The following LRRIQ3 variants were observed in gnomAD, a reference collection of about 807,000 sequenced individuals.
LRRIQ3 encodes the protein leucine rich repeats and IQ motif containing 3.
A neutral mutation model predicts 59.3 loss-of-function variants in LRRIQ3; 75 were observed. The ratio of observed to expected loss-of-function variants is 1.26; its 90% CI spans 1.05 to 1.53. The LOEUF (loss-of-function observed/expected upper bound fraction) is 1.53, where lower values mean the gene tolerates loss of function less well. Among genes scored for constraint, LRRIQ3 ranks in the 40% most tolerant of loss-of-function variants. The probability of loss-of-function intolerance (pLI) is 0.00; values close to 1 mark genes in which losing one functional copy is unlikely to be tolerated. For synonymous variants in LRRIQ3, 250 were observed against 231.3 expected (o/e 1.08, Z -0.73); for missense variants, 831 against 710.0 (o/e 1.17, Z -1.94).
chr1:74,032,975 G>A (rs1653763112), intron 7 of LRRIQ3, among the ~76,000 whole-genome samples: 1 of 152,014 alleles, frequency 6.6e-6, no homozygotes, highest in South Asian at 2.1e-4. Context: ...ATGGATATAG[G>A]AAGTTGAATG....
chr1:74,167,561 A>G (rs1035720326), intron 3 of LRRIQ3, among the ~76,000 whole-genome samples: 5 of 151,868 alleles, frequency 3.3e-5, no homozygotes, highest in Admixed American at 2.6e-4. Context: ...AAACTTCCAC[A>G]TATTTTTTTT....
At chr1:74,147,449 A>T (rs1163111005) in intron 4 of LRRIQ3, among the ~76,000 whole-genome samples, 1 of 152,206 alleles carries the variant, frequency 6.6e-6, no homozygotes, top group African/African-American at 2.4e-5. Flanking sequence ...AACCCAATTA[A>T]TTTGATGTTT....
chr1:74,094,707 A>G (rs937460288), intron 5 of LRRIQ3, among the ~76,000 whole-genome samples: 11 of 152,142 alleles, frequency 7.2e-5, no homozygotes, highest in Non-Finnish European at 2.9e-5. Context: ...CCAGACAGCT[A>G]AAATTTGGGG....
chr1:74,056,465 A>C (rs1411685654), intron 6 of LRRIQ3, among the ~76,000 whole-genome samples: 1 of 152,082 alleles, frequency 6.6e-6, no homozygotes, highest in Non-Finnish European at 1.5e-5. Context: ...ACATATAAAA[A>C]ACTAGGAAGA....
At chr1:74,033,060 G>T (rs1653766118) in intron 7 of LRRIQ3, among the ~76,000 whole-genome samples, 1 of 151,956 alleles carries the variant, frequency 6.6e-6, no homozygotes, top group African/African-American at 2.4e-5. Flanking sequence ...GGCCATAAGT[G>T]GTGTTTGAAT....
At chr1:74,132,319 A>G (rs1212454831) in intron 4 of LRRIQ3, among the ~76,000 whole-genome samples, 2 of 152,158 alleles carry the variant, frequency 1.3e-5, no homozygotes, top group African/African-American at 4.8e-5. Flanking sequence ...TATAGATTCA[A>G]TGCCATCCCC....
At chr1:74,130,041 C>A (rs1331464177) in intron 4 of LRRIQ3, among the ~76,000 whole-genome samples, 1 of 151,944 alleles carries the variant, frequency 6.6e-6, no homozygotes, top group African/African-American at 2.4e-5. Flanking sequence ...CTTGGAGTTG[C>A]AAGCTATGTT....
chr1:74,028,022 C>T (rs2100348557), intron 7 of LRRIQ3, among the ~76,000 whole-genome samples: 1 of 152,020 alleles, frequency 6.6e-6, no homozygotes. Context: ...TGTGTATTTT[C>T]CAGTCAGAAA....
chr1:74,195,834 C>T (rs899205996), intron 1 of LRRIQ3, among the ~76,000 whole-genome samples: 2 of 151,912 alleles, frequency 1.3e-5, no homozygotes, highest in African/African-American at 2.4e-5. Flanking sequence ...AACTCTGTGG[C>T]GAATTCTCTA....
At chr1:74,164,615 T>G (rs1648864019) in intron 3 of LRRIQ3, among the ~76,000 whole-genome samples, 2 of 151,616 alleles carry the variant, frequency 1.3e-5, no homozygotes, top group East Asian at 3.9e-4. Flanking sequence ...TAGCTTATCT[T>G]TTCATTCTCC....
intron 6 of LRRIQ3, among the ~76,000 whole-genome samples, chr1:74,060,154 CCTT>C (rs1016504587): frequency 2.6e-5 from 4 of 151,478 alleles, no homozygotes; most frequent in Admixed American, 1.3e-4. Context: ...ACCTGAGTCG[CCTT>C]CTTCTTCGTC....
intron 7 of LRRIQ3, among the ~76,000 whole-genome samples, chr1:74,031,924 A>T (rs1653731052): frequency 1.3e-5 from 2 of 152,080 alleles, no homozygotes; most frequent in African/African-American, 4.8e-5. Flanking sequence ...TAAATGTAAT[A>T]AAAGATAGGC....
intron 4 of LRRIQ3, among the ~76,000 whole-genome samples, chr1:74,149,111 A>T (rs575804875): frequency 6.6e-6 from 1 of 152,278 alleles, no homozygotes; most frequent in East Asian, 1.9e-4. Context: ...CATGATTTTT[A>T]CATCTGTATT....
intron 5 of LRRIQ3, among the ~76,000 whole-genome samples, chr1:74,080,143 T>G (rs186968056): frequency 6.6e-6 from 1 of 151,588 alleles, no homozygotes; most frequent in Admixed American, 6.6e-5. Flanking sequence ...TCTATCTACC[T>G]GTTCTGTTGA....
chr1:74,026,784 A>G lies in LRRIQ3; in HGVS notation c.*29T>C, dbSNP rs755108890. The G allele has an allele frequency of 6.5e-7, 1 of 1,548,256 alleles. No individual in the cohort carries two copies. The highest frequency in any genetic ancestry group is 1.4e-5 in the African/African-American group (1 of 72,162). ...CTAAAAATAATGACTATAATTTAAG[A>G]TGATCATAGGATGTGATCTGGCATT... On this transcript the variant is annotated 3_prime_UTR_variant, in exon 8 of 8. Coordinates refer to ENST00000354431, the MANE Select transcript of LRRIQ3 (RefSeq NM_001105659.2).
At chr1:74,118,676 G>GA in intron 4 of LRRIQ3, among the ~76,000 whole-genome samples, 1 of 151,332 alleles carries the variant, frequency 6.6e-6, no homozygotes, top group Non-Finnish European at 1.5e-5. Flanking sequence ...AGAACCAGTA[G>GA]AAAAAAAATA....
intron 4 of LRRIQ3, among the ~76,000 whole-genome samples, chr1:74,117,708 G>A (rs1185169184): frequency 6.6e-6 from 1 of 152,116 alleles, no homozygotes; most frequent in Non-Finnish European, 1.5e-5. Context: ...AGAAGTTGCA[G>A]TGAGCTGAGA....
At chr1:74,138,872 C>A (rs1203662854) in intron 4 of LRRIQ3, among the ~76,000 whole-genome samples, 1 of 151,522 alleles carries the variant, frequency 6.6e-6, no homozygotes, top group Non-Finnish European at 1.5e-5. Context: ...CAATACAGCC[C>A]CCAGTCCACT....
chr1:74,090,865 G>T (rs1393767630), intron 5 of LRRIQ3, among the ~76,000 whole-genome samples: 2 of 152,042 alleles, frequency 1.3e-5, no homozygotes, highest in African/African-American at 2.4e-5. Flanking sequence ...CTTCACTCCA[G>T]CCTGGGCAAC....
Sources: gnomAD v4.1 joint callset for allele counts (sites outside exome capture counted in the v4.1 genomes callset) on GRCh38, gnomAD v4.1.1 for gene constraint, MANE v1.5 for transcripts, NCBI Gene and HGNC (gene_info 2026-07-23, HGNC 2026-07-21) for gene names.